PCNP: variants seen among roughly 807,000 people sequenced by gnomAD.
PCNP encodes PEST proteolytic signal-containing nuclear protein.
A neutral mutation model predicts 21.8 loss-of-function variants in PCNP; 6 were observed. The ratio of observed to expected loss-of-function variants is 0.28; its 90% CI spans 0.15 to 0.54. The LOEUF (loss-of-function observed/expected upper bound fraction) is 0.54, where lower values mean the gene tolerates loss of function less well. PCNP is among the 20% of genes least tolerant of loss of function. The pLI is 0.95. For synonymous variants in PCNP, 67 were observed against 73.2 expected (o/e 0.92, Z 0.43); for missense variants, 161 against 215.5 (o/e 0.75, Z 1.58).
intron 3 of PCNP, 96 bp downstream of exon 3, chr3:101,585,607 T>C (rs765906282): frequency 2.5e-5 from 17 of 685,400 alleles, no homozygotes; most frequent in Non-Finnish European, 3.7e-5. Flanking sequence ...TAGTGAATTT[T>C]CTTTATAATA....
rs1576627586 is a variant in PCNP, at chr3:101,593,723, C to A, written c.*970C>A. 1 of 152,644 alleles carries A rather than the reference C, an allele frequency of 6.6e-6. No individual in the cohort carries two copies. The highest frequency in any genetic ancestry group is 1.9e-4 in the East Asian group (1 of 5,192). 9.5% of individuals were successfully genotyped at this position (152,644 alleles called of 1,614,324 possible). On this transcript the variant is annotated 3_prime_UTR_variant, in exon 5 of 5. Coordinates refer to ENST00000265260, the MANE Select transcript of PCNP (RefSeq NM_020357.3). Reference sequence around the variant, plus strand: ...GATTTAAATTACTAACTTATGAACTCCAATTTGAATTGAACTTAACTATCG... The same window carrying A: ...GATTTAAATTACTAACTTATGAACTACAATTTGAATTGAACTTAACTATCG...
At chr3:101,580,355 C>G (rs1935160127) in intron 2 of PCNP, among the ~76,000 whole-genome samples, 1 of 151,910 alleles carries the variant, frequency 6.6e-6, no homozygotes, top group Non-Finnish European at 1.5e-5. Context: ...CAGTTGAGCC[C>G]AGGAATTTCA....
rs1485645144 is a variant in PCNP at position 101,593,889 on chromosome 3, T to G, written c.*1136T>G. On this transcript the variant is annotated 3_prime_UTR_variant, in exon 5 of 5. Transcript: ENST00000265260. Reference sequence around the variant, plus strand: ...ACATTTTTTGGAATCTCACCACATATACTTTGTTAGATTTGTGTATTGTAG... The same window carrying G: ...ACATTTTTTGGAATCTCACCACATAGACTTTGTTAGATTTGTGTATTGTAG... 1 of 152,646 alleles carries G rather than the reference T, an allele frequency of 6.6e-6. No homozygotes were observed. The highest frequency in any genetic ancestry group is 2.4e-5 in the African/African-American group (1 of 41,456). 9.5% of individuals were successfully genotyped at this position (152,646 alleles called of 1,614,324 possible).
chr3:101,588,044 G>A (rs7640856), intron 3 of PCNP, among the ~76,000 whole-genome samples: 11,073 of 152,222 alleles, frequency 0.073, 676 homozygotes, highest in East Asian at 0.18. Flanking sequence ...AGGCCGAGGC[G>A]GGTGGATCAC....
intron 2 of PCNP, among the ~76,000 whole-genome samples, chr3:101,581,886 A>G (rs1030587951): frequency 6.6e-6 from 1 of 150,868 alleles, no homozygotes. Context: ...GGTTACAGGC[A>G]TGCACCACCA....
intron 3 of PCNP, among the ~76,000 whole-genome samples, chr3:101,587,785 C>T (rs1935609290): frequency 6.6e-6 from 1 of 151,990 alleles, no homozygotes; most frequent in Non-Finnish European, 1.5e-5. Context: ...TCAGCCTATT[C>T]AGATATGTAC....
At chr3:101,574,149 C>T (rs535264875), upstream of PCNP, 34 of 1,527,024 alleles carry the variant, frequency 2.2e-5, 1 homozygote, top group African/African-American at 1.8e-4. Context: ...GCCCCAAAAA[C>T]TCGATGGTTG....
intron 2 of PCNP, among the ~76,000 whole-genome samples, chr3:101,584,956 A>G (rs949533399): frequency 6.6e-6 from 1 of 152,236 alleles, no homozygotes; most frequent in Non-Finnish European, 1.5e-5. Flanking sequence ...ATGAGCCAAG[A>G]TTATGCCGCT....
At chr3:101,575,850 A>G (rs915840653) in intron 1 of PCNP, among the ~76,000 whole-genome samples, 1 of 152,174 alleles carries the variant, frequency 6.6e-6, no homozygotes, top group Non-Finnish European at 1.5e-5. Context: ...TGATGTTTCC[A>G]TTTTAGCATG....
At position 101,574,210 on chromosome 3, in the gene PCNP, G is replaced by A. The variant is rs370971443; in HGVS notation, c.-6G>A. The A allele has an allele frequency of 1.3e-6, 2 of 1,549,700 alleles. No individual in the cohort carries two copies. Among genetic ancestry groups the A allele is most frequent in the Non-Finnish European group, 1.7e-6 (2 of 1,145,936 alleles). On this transcript the variant is annotated 5_prime_UTR_variant, in exon 1 of 5. Coordinates refer to ENST00000265260, the MANE Select transcript of PCNP (RefSeq NM_020357.3). ...CGTGGCTGCAGGGGAGGCCGCGGCG[G>A]GGAAAATGGCGGACGGGAAGGCGGG...
At chr3:101,587,729 T>G (rs1194490458) in intron 3 of PCNP, among the ~76,000 whole-genome samples, 1 of 151,508 alleles carries the variant, frequency 6.6e-6, no homozygotes, top group Non-Finnish European at 1.5e-5. Context: ...ATATTTGAAG[T>G]TTCTTGGCAT....
chr3:101,580,063 C>T (rs1053038598), intron 2 of PCNP, 59 bp downstream of exon 2: 20 of 1,262,362 alleles, frequency 1.6e-5, no homozygotes, highest in African/African-American at 1.3e-4. Flanking sequence ...GCTTTGGAAA[C>T]GTGGCGTTTA....
chr3:101,580,303 C>T (rs1935156928), intron 2 of PCNP, among the ~76,000 whole-genome samples: 1 of 152,160 alleles, frequency 6.6e-6, no homozygotes, highest in Non-Finnish European at 1.5e-5. Context: ...CAGTGGCTCA[C>T]ACCTGTAATC....
intron 4 of PCNP, among the ~76,000 whole-genome samples, chr3:101,592,100 G>A (rs1041396172): frequency 2.6e-5 from 4 of 151,948 alleles, no homozygotes; most frequent in Admixed American, 1.3e-4. Flanking sequence ...TAGGCCTGCT[G>A]GATCTGAAAT....
rs199681143 is a variant in PCNP at position 101,576,422 on chromosome 3, AT to A, written c.64+2151del. On this transcript the variant is annotated intron_variant, in intron 1 of 4. Transcript: ENST00000265260. ...GCTAATTTTTGTATTTTTATTTTTTATTTTTTTTATTTTTTATTTTTTTCAT... is the reference window on the plus strand; with the variant it reads ...GCTAATTTTTGTATTTTTATTTTTTATTTTTTTATTTTTTATTTTTTTCAT... The A allele has an allele frequency of 3.3e-3, 4,031 of 1,235,308 alleles. 93 individuals are homozygous for A. In the African/African-American group the frequency reaches 0.054, roughly 16 times the overall value. The allele number at this position is 1,235,308 out of a possible 1,614,324, so 76.5% of individuals were successfully genotyped here.
intron 2 of PCNP, among the ~76,000 whole-genome samples, chr3:101,583,743 G>A (rs1483898647): frequency 5.3e-5 from 8 of 151,662 alleles, no homozygotes; most frequent in African/African-American, 1.5e-4. Flanking sequence ...TGCCTTCTGG[G>A]TTCAACCAAT....
chr3:101,580,751 T>C (rs1935182753), intron 2 of PCNP, among the ~76,000 whole-genome samples: 1 of 152,254 alleles, frequency 6.6e-6, no homozygotes, highest in South Asian at 2.1e-4. Flanking sequence ...GTTTGAAATA[T>C]TAATTTGAAG....
At chr3:101,592,474 G>A (rs1444028134) in intron 4 of PCNP, among the ~76,000 whole-genome samples, 153 bp from the exon 5 acceptor site, 2 of 152,128 alleles carry the variant, frequency 1.3e-5, no homozygotes, top group Non-Finnish European at 2.9e-5. Flanking sequence ...TGCCTGGCCT[G>A]TGAAATGTAT....
rs1935921046 is a variant in PCNP, at chr3:101,593,609, T to C, written c.*856T>C. 6.6e-6 allele frequency: 1 copy of C among 152,574 alleles called. No homozygotes were observed. The highest frequency in any genetic ancestry group is 2.1e-4 in the South Asian group (1 of 4,826). The allele number at this position is 152,574 out of a possible 1,614,324, so 9.5% of individuals were successfully genotyped here. A position where few individuals can be genotyped will look rare whatever the true frequency, so the allele number is the denominator to read the frequency against. ...TTGCTTAAGTATTTGGCTGTTTTTATTTTTTAAAAGGTATAAACACCAAAA... is the reference window on the plus strand; with the variant it reads ...TTGCTTAAGTATTTGGCTGTTTTTACTTTTTAAAAGGTATAAACACCAAAA... On this transcript the variant is annotated 3_prime_UTR_variant, in exon 5 of 5. Transcript: ENST00000265260.
Sources: gnomAD v4.1 joint callset for allele counts (sites outside exome capture counted in the v4.1 genomes callset) on GRCh38, gnomAD v4.1.1 for gene constraint, MANE v1.5 for transcripts, NCBI Gene and HGNC (gene_info 2026-07-23, HGNC 2026-07-21) for gene names.